Variants in TBC1D5 observed in about 807,000 individuals in gnomAD.
TBC1D5 encodes TBC1 domain family, member 5.
In TBC1D5, 75 loss-of-function variants were observed where a neutral mutation model predicts 100.3. That is an observed-to-expected ratio of 0.75 (90% CI 0.62 to 0.91). The LOEUF (loss-of-function observed/expected upper bound fraction) is 0.91. TBC1D5 is among the 40% of genes least tolerant of loss of function. The pLI is 0.00. For synonymous variants in TBC1D5, 323 were observed against 325.6 expected (o/e 0.99, Z 0.09); for missense variants, 910 against 942.4 (o/e 0.97, Z 0.45).
At chr3:17,351,946 A>G (rs1392929986) in intron 13 of TBC1D5, among the ~76,000 whole-genome samples, 1 of 151,278 alleles carries the variant, frequency 6.6e-6, no homozygotes, top group East Asian at 1.9e-4. Flanking sequence ...TTTCCCCCCA[A>G]AAAAACCCTC....
chr3:17,173,574 TGA>T (rs778131232), intron 19 of TBC1D5, among the ~76,000 whole-genome samples: 11 of 152,174 alleles, frequency 7.2e-5, no homozygotes, highest in Non-Finnish European at 1.5e-4. Flanking sequence ...AGAAGGTTGC[TGA>T]GAGGATTAGA....
chr3:17,706,818 T>C (rs1474153407), intron 1 of TBC1D5, among the ~76,000 whole-genome samples: 1 of 151,798 alleles, frequency 6.6e-6, no homozygotes, highest in Non-Finnish European at 1.5e-5. Flanking sequence ...AAAAATCCTT[T>C]AACAAAAAAA....
intron 2 of TBC1D5, among the ~76,000 whole-genome samples, chr3:17,533,405 T>C (rs1272493807): frequency 6.6e-6 from 1 of 152,154 alleles, no homozygotes; most frequent in Non-Finnish European, 1.5e-5. Context: ...CCTACACTAG[T>C]GTATGGCATA....
chr3:17,704,128 C>G (rs1237928029), intron 1 of TBC1D5, among the ~76,000 whole-genome samples: 49 of 141,730 alleles, frequency 3.5e-4, no homozygotes, highest in African/African-American at 8.7e-4. Context: ...TGACTCTTAA[C>G]GAGCATGCTG....
chr3:17,489,790 C>T (rs1479533961), intron 3 of TBC1D5, among the ~76,000 whole-genome samples: 2 of 152,140 alleles, frequency 1.3e-5, no homozygotes, highest in African/African-American at 2.4e-5. Flanking sequence ...CACTTCTTTG[C>T]TATTGTGAAT....
chr3:17,401,014 A>G (rs1262113951), intron 8 of TBC1D5, among the ~76,000 whole-genome samples: 1 of 151,986 alleles, frequency 6.6e-6, no homozygotes, highest in Non-Finnish European at 1.5e-5. Flanking sequence ...CTTCACCATG[A>G]TCATGTGAGT....
At chr3:17,415,528 AT>A (rs1446046074) in intron 4 of TBC1D5, among the ~76,000 whole-genome samples, 1 of 152,128 alleles carries the variant, frequency 6.6e-6, no homozygotes, top group Admixed American at 6.6e-5. Flanking sequence ...GAGCTTCCAA[AT>A]CCAGGGTCAT....
chr3:17,715,695 A>C (rs1222409390), intron 1 of TBC1D5, among the ~76,000 whole-genome samples: 1 of 152,078 alleles, frequency 6.6e-6, no homozygotes, highest in African/African-American at 2.4e-5. Flanking sequence ...CCAGCTACTC[A>C]GGAGGCTGAG....
At chr3:17,240,413 C>T (rs1002129047) in intron 16 of TBC1D5, among the ~76,000 whole-genome samples, 4 of 152,066 alleles carry the variant, frequency 2.6e-5, no homozygotes, top group South Asian at 2.1e-4. Context: ...TTAAAAATAA[C>T]GTTTCCTACT....
At chr3:17,701,772 G>T (rs1367166211) in intron 1 of TBC1D5, among the ~76,000 whole-genome samples, 2 of 152,030 alleles carry the variant, frequency 1.3e-5, no homozygotes, top group African/African-American at 2.4e-5. Context: ...AGGTATATAT[G>T]TGGGTAATTC....
chr3:17,180,488 C>T lies in TBC1D5; in HGVS notation c.1852+4621G>A, dbSNP rs182489784. The stretch of plus-strand genomic sequence containing the variant: ...TTGCATGTGTGACAAAAACATAGGG[C>T]GATATAGTAATAGCAAAGATAGAGA... On this transcript the variant is annotated intron_variant, in intron 19 of 21. Transcript: ENST00000253692. Among the ~76,000 whole-genome samples, 1,080 of 152,002 alleles carry T rather than the reference C, an allele frequency of 7.1e-3. 13 individuals are homozygous for T. The highest frequency in any genetic ancestry group is 0.013 in the Non-Finnish European group (854 of 68,000).
At chr3:17,194,997 T>G (rs2070460058) in intron 18 of TBC1D5, among the ~76,000 whole-genome samples, 1 of 152,232 alleles carries the variant, frequency 6.6e-6, no homozygotes, top group South Asian at 2.1e-4. Context: ...TTCACATAGG[T>G]GTAACCAGAG....
chr3:17,724,533 T>C (rs952707119), intron 1 of TBC1D5, among the ~76,000 whole-genome samples: 5 of 152,192 alleles, frequency 3.3e-5, no homozygotes, highest in Non-Finnish European at 7.4e-5. Flanking sequence ...CTGGCAACTT[T>C]TAAGAGATTT....
chr3:17,576,430 G>C (rs995969772), intron 2 of TBC1D5: 15 of 151,816 alleles, frequency 9.9e-5, no homozygotes, highest in African/African-American at 3.6e-4. Context: ...AGAGAATCTG[G>C]ATAGTAGCAT....
At chr3:17,165,471 C>T (rs762161805) in intron 21 of TBC1D5, among the ~76,000 whole-genome samples, 6 of 152,038 alleles carry the variant, frequency 3.9e-5, no homozygotes, top group East Asian at 3.9e-4. Flanking sequence ...TGTGAAGAAA[C>T]GAATGAAATT....
At chr3:17,491,295 C>T (rs1576330960) in intron 3 of TBC1D5, among the ~76,000 whole-genome samples, 1 of 152,044 alleles carries the variant, frequency 6.6e-6, no homozygotes, top group Non-Finnish European at 1.5e-5. Context: ...ATTTGAATAC[C>T]CATTATTTCT....
intron 8 of TBC1D5, among the ~76,000 whole-genome samples, chr3:17,395,406 A>G (rs988626253): frequency 2.0e-5 from 3 of 152,142 alleles, no homozygotes; most frequent in African/African-American, 7.2e-5. Context: ...AAGTTTTTCA[A>G]TAATTAAGAA....
At chr3:17,433,455 A>C (rs552319120) in intron 3 of TBC1D5, among the ~76,000 whole-genome samples, 23 of 152,318 alleles carry the variant, frequency 1.5e-4, no homozygotes, top group Admixed American at 7.2e-4. Flanking sequence ...GGAGAAGTAC[A>C]GGGCAAAACA....
rs1405166521 is a variant in TBC1D5, at chr3:17,364,829, C to T, written c.995+7246G>A. Among the ~76,000 whole-genome samples, 4 of 152,124 alleles carry T rather than the reference C, an allele frequency of 2.6e-5. 1 individual carries two copies. The highest frequency in any genetic ancestry group is 2.6e-4 in the Admixed American group (4 of 15,264). Reference sequence around the variant, plus strand: ...CTTATTAATAGCCAGGAATTTTGCACTGAGCACATAAAAATTAGTAACAAT... The same window carrying T: ...CTTATTAATAGCCAGGAATTTTGCATTGAGCACATAAAAATTAGTAACAAT... On this transcript the variant is annotated intron_variant, in intron 13 of 21. Coordinates refer to ENST00000253692, the Ensembl canonical transcript of TBC1D5.
Sources: gnomAD v4.1 joint callset for allele counts (sites outside exome capture counted in the v4.1 genomes callset) on GRCh38, gnomAD v4.1.1 for gene constraint, MANE v1.5 for transcripts, NCBI Gene and HGNC (gene_info 2026-07-23, HGNC 2026-07-21) for gene names.